CEP104: variants seen among roughly 807,000 people sequenced by gnomAD.
The protein encoded by CEP104 is centrosomal protein 104, also known as centrosomal protein of 104 kDa.
In CEP104, 84 loss-of-function variants were observed where a neutral mutation model predicts 113.3. That is an observed-to-expected ratio of 0.74 (90% confidence interval 0.62 to 0.89). The LOEUF (loss-of-function observed/expected upper bound fraction) is 0.89, where lower values mean the gene tolerates loss of function less well. Among genes scored for constraint, CEP104 ranks in the 40% least tolerant of loss-of-function variants. CEP104 has a pLI of 0.00. For synonymous variants in CEP104, 378 were observed against 421.7 expected (o/e 0.90, Z 1.27); for missense variants, 1,053 against 1,156.6 (o/e 0.91, Z 1.30).
chr1:3,839,602 C>A lies in CEP104; in HGVS notation c.735+6G>T, dbSNP rs181285964. 4.3e-5 allele frequency: 69 copies of A among 1,610,522 alleles called. No homozygotes were observed. The African/African-American group carries it at 8.4e-4, about 20-fold the overall frequency. ...AATTAGGAACTGTTTTCTCCAAAGG[C>A]AATACCTTTTGCAAATCAGCAATGG... On this transcript the variant is annotated splice_donor_region_variant and intron_variant, in intron 7 of 21. Transcript: ENST00000378230.
chr1:3,843,376 ATTTTTT>A (rs34104489), intron 6 of CEP104: 6 of 342,020 alleles, frequency 1.8e-5, no homozygotes, highest in South Asian at 4.5e-5. Flanking sequence ...AATATGTATA[ATTTTTT>A]TTTTTTTTTT....
chr1:3,837,191 G>A (rs936634648), intron 9 of CEP104, 101 bp downstream of exon 9: 2 of 931,766 alleles, frequency 2.1e-6, no homozygotes, highest in Non-Finnish European at 3.3e-6. Flanking sequence ...TGGCTGGGGA[G>A]CACTCATGCA....
intron 6 of CEP104, among the ~76,000 whole-genome samples, chr1:3,843,672 A>T (rs1371384649): frequency 6.6e-6 from 1 of 151,642 alleles, no homozygotes; most frequent in East Asian, 1.9e-4. Flanking sequence ...AACACGACGA[A>T]CTTTCCCCAT....
At chr1:3,830,070 C>T in intron 13 of CEP104, 73 bp from the exon 14 acceptor site, 1 of 1,052,216 alleles carries the variant, frequency 9.5e-7, no homozygotes. Context: ...AAAAAAGGTA[C>T]ATTATAAACA....
In CEP104 at chr1:3,850,765, C is replaced by A. The variant is rs77818849; in HGVS notation, c.113+1530G>T. Among the ~76,000 whole-genome samples the A allele has an allele frequency of 6.0e-3, 909 of 152,258 alleles. 10 individuals are homozygous for A. Among genetic ancestry groups the A allele is most frequent in the African/African-American group, 0.02 (846 of 41,540 alleles). ...CTGTGGTGACCAAGGGCACACAGAT[C>A]CTTTTCTTGGGTACATCCTCTGAAA... On this transcript the variant is annotated intron_variant, in intron 2 of 21. Transcript: ENST00000378230.
chr1:3,825,615 G>C, intron 18 of CEP104, 143 bp downstream of exon 18: 1 of 616,918 alleles, frequency 1.6e-6, no homozygotes, highest in Non-Finnish European at 2.9e-6. Context: ...ACGCATTTGC[G>C]GGTGTGTGCT....
chr1:3,835,195 A>C lies in CEP104; in HGVS notation c.1318-103T>G, dbSNP rs930395382. On this transcript the variant is annotated intron_variant, in intron 10 of 21. Transcript: ENST00000378230. ...TTTTTAACTAAAATGATTCATTTCT[A>C]AGAACAGAACTTTTATAAATGAAAA... 6.1e-6 allele frequency: 5 copies of C among 818,428 alleles called. No homozygotes were observed. In the South Asian group the frequency reaches 1.6e-4, roughly 26 times the overall value. The allele number at this position is 818,428 out of a possible 1,614,324, so 50.7% of individuals were successfully genotyped here. A position where few individuals can be genotyped will look rare whatever the true frequency, so the allele number is the denominator to read the frequency against.
rs1309286361 is a variant in CEP104, at chr1:3,825,791, A to T, written c.2331T>A (p.Cys777Ter). The change falls in exon 18 of 22, where the codon TGT (cysteine) becomes TGA (stop). Residue 777 changes from cysteine to a stop codon, truncating the protein, a stop_gained. Transcript: ENST00000378230. LOFTEE classifies it high-confidence loss of function. ...AGTGGTCACATCTTGTCAGCATGAG[A>T]CAGTGCTTCCAGTAGTGGAGATCCA... ...EGLDLHYWKH[C>*]LMLTRCDHCK... is the part of the protein sequence containing the mutation. 3.1e-6 allele frequency: 5 copies of T among 1,613,788 alleles called. No individual in the cohort carries two copies. The highest frequency in any genetic ancestry group is 4.2e-6 in the Non-Finnish European group (5 of 1,179,754).
Position 3,819,381 on chromosome 1 carries a change from C to T in CEP104, c.2572-3011G>A, listed in dbSNP as rs150285591. On this transcript the variant is annotated intron_variant, in intron 20 of 21. Coordinates refer to ENST00000378230, the MANE Select transcript of CEP104 (RefSeq NM_014704.4). The surrounding 1 kb of genome is among the most constrained non-coding windows in gnomAD (Gnocchi z 4.6). Reference sequence around the variant, plus strand: ...TTTTGGGTGATGGAAAAGTTCCACACGTGTGCAGATGGTTGCAGAACCCTG... The same window carrying T: ...TTTTGGGTGATGGAAAAGTTCCACATGTGTGCAGATGGTTGCAGAACCCTG... Among the ~76,000 whole-genome samples the T allele has an allele frequency of 1.2e-4, 19 of 152,248 alleles. No individual in the cohort carries two copies. The East Asian group carries it at 2.3e-3, about 19-fold the overall frequency.
chr1:3,829,776 C>T lies in CEP104; in HGVS notation c.2043+15G>A. 1.2e-6 allele frequency: 2 copies of T among 1,611,286 alleles called. No individual in the cohort carries two copies. The highest frequency in any genetic ancestry group is 4.5e-5 in the East Asian group (2 of 44,860). On this transcript the variant is annotated intron_variant, in intron 14 of 21. Coordinates refer to ENST00000378230, the MANE Select transcript of CEP104 (RefSeq NM_014704.4). ...AACACAGGATGACATCACAACTTCA[C>T]CAAAGTTAACTCACCCTCATCTCAG...
rs1337065293 is a variant in CEP104, at chr1:3,823,270, C to T, written c.2504-29G>A. ...AAATGATTTTAAAAAGACTCAGTCG[C>T]TCCCTGAATGACAGGCGACAAGACA... On this transcript the variant is annotated intron_variant, in intron 19 of 21. Coordinates refer to ENST00000378230, the MANE Select transcript of CEP104 (RefSeq NM_014704.4). This position sits in a 1 kb window ranked among gnomAD's most constrained non-coding sequence, Gnocchi z 4.1. The T allele has an allele frequency of 1.9e-6, 3 of 1,613,722 alleles. No individual in the cohort carries two copies. Among genetic ancestry groups the T allele is most frequent in the Non-Finnish European group, 2.5e-6 (3 of 1,179,608 alleles).
chr1:3,841,409 C>T (rs564088241), intron 6 of CEP104, among the ~76,000 whole-genome samples: 8 of 152,246 alleles, frequency 5.3e-5, no homozygotes, highest in Non-Finnish European at 7.4e-5. Flanking sequence ...GACTAAACAG[C>T]GAAACATTTT....
intron 15 of CEP104, 65 bp downstream of exon 15, chr1:3,829,201 G>C: frequency 9.4e-7 from 1 of 1,060,000 alleles, no homozygotes; most frequent in Non-Finnish European, 1.4e-6. Context: ...AGTATGATGT[G>C]GATCTATACA....
intron 15 of CEP104, among the ~76,000 whole-genome samples, chr1:3,828,222 G>T (rs1048723939): frequency 2.6e-5 from 4 of 152,178 alleles, no homozygotes; most frequent in African/African-American, 9.7e-5. Context: ...CCTTCAGTTT[G>T]CGACATCCGT....
rs1405001828 is a variant in CEP104, at chr1:3,839,782, G to C, written c.567-6C>G. The C allele has an allele frequency of 2.5e-6, 4 of 1,605,762 alleles. No individual in the cohort carries two copies. In the Admixed American group the frequency reaches 5.1e-5, roughly 21 times the overall value. On this transcript the variant is annotated splice_polypyrimidine_tract_variant and splice_region_variant and intron_variant, in intron 6 of 21. Coordinates refer to ENST00000378230, the MANE Select transcript of CEP104 (RefSeq NM_014704.4). ...GAGAGATATAGTCAGATTTCCTAAA[G>C]GGAAGAAATGCATATTTTAGAGATA...
intron 13 of CEP104, among the ~76,000 whole-genome samples, 159 bp from the exon 14 acceptor site, chr1:3,830,156 G>A (rs550746531): frequency 1.8e-4 from 28 of 152,128 alleles, no homozygotes; most frequent in African/African-American, 6.0e-4. Flanking sequence ...CGGATCTACC[G>A]TCTCATCGTA....
At chr1:3,816,029 T>C in intron 21 of CEP104, 1 of 450,066 alleles carries the variant, frequency 2.2e-6, no homozygotes. Context: ...AGGACGGGAG[T>C]GTGAATCCTA....
chr1:3,830,155 C>T (rs1570793303), intron 13 of CEP104, among the ~76,000 whole-genome samples, 158 bp from the exon 14 acceptor site: 2 of 152,004 alleles, frequency 1.3e-5, no homozygotes, highest in African/African-American at 2.4e-5. Context: ...ACGGATCTAC[C>T]GTCTCATCGT....
Position 3,830,978 on chromosome 1 carries a change from C to G in CEP104, c.1836+68G>C, listed in dbSNP as rs75187319. On this transcript the variant is annotated intron_variant, in intron 13 of 21. Transcript: ENST00000378230. ...TCCTTCAACAAATGCCGATGAGACC[C>G]TCGCCACGCTCCAGGCACTGTGGTG... The G allele has an allele frequency of 5.4e-3, 7,796 of 1,441,612 alleles. 256 individuals are homozygous for G. The East Asian group carries it at 0.083, about 15-fold the overall frequency. The allele number at this position is 1,441,612 out of a possible 1,614,324, so 89.3% of individuals were successfully genotyped here. A position where few individuals can be genotyped will look rare whatever the true frequency, so the allele number is the denominator to read the frequency against.
Sources: gnomAD v4.1 joint callset for allele counts (sites outside exome capture counted in the v4.1 genomes callset) on GRCh38, gnomAD v4.1.1 for gene constraint, Gnocchi (gnomAD v3.1) non-coding constraint, MANE v1.5 for transcripts, NCBI Gene and HGNC (gene_info 2026-07-23, HGNC 2026-07-21) for gene names.